Variants in CLNK observed in about 807,000 individuals in gnomAD.
The protein encoded by CLNK is cytokine dependent hematopoietic cell linker, also known as cytokine-dependent hematopoietic cell linker.
A neutral mutation model predicts 68.6 loss-of-function variants in CLNK; 74 were observed. The observed-to-expected ratio is 1.08, with a 90% CI of 0.89 to 1.31. The LOEUF is 1.31. Ranked by LOEUF, CLNK falls within the 50% of genes most tolerant of loss-of-function variation. CLNK has a pLI of 0.00. For synonymous variants in CLNK, 198 were observed against 172.2 expected (o/e 1.15, Z -1.17); for missense variants, 553 against 515.3 (o/e 1.07, Z -0.71).
intron 2 of CLNK, among the ~76,000 whole-genome samples, chr4:10,629,756 G>T (rs9760691): frequency 2.6e-5 from 4 of 151,668 alleles, no homozygotes; most frequent in African/African-American, 7.3e-5. Context: ...TGAAGTTCAG[G>T]GGGGAAGGCA....
chr4:10,537,665 T>TCC (rs1718831628), intron 11 of CLNK, among the ~76,000 whole-genome samples: 3 of 59,780 alleles, frequency 5.0e-5, no homozygotes, highest in South Asian at 7.3e-4. Flanking sequence ...CTTTCTTTCT[T>TCC]TCTTTCTTTC....
chr4:10,572,251 A>AAGTCATAG (rs1367537065), intron 4 of CLNK, among the ~76,000 whole-genome samples: 12 of 152,368 alleles, frequency 7.9e-5, no homozygotes, highest in Admixed American at 5.2e-4. Context: ...TTGAGGACAG[A>AAGTCATAG]AGTCATAGCT....
intron 8 of CLNK, among the ~76,000 whole-genome samples, chr4:10,548,840 C>A (rs962900413): frequency 6.6e-6 from 1 of 152,180 alleles, no homozygotes; most frequent in Non-Finnish European, 1.5e-5. Context: ...TCAATGCATG[C>A]ATTTATTTCT....
chr4:10,509,038 C>T (rs915125748), intron 16 of CLNK, among the ~76,000 whole-genome samples: 4 of 134,306 alleles, frequency 3.0e-5, no homozygotes, highest in South Asian at 2.5e-4. Context: ...ACCTGGGAGG[C>T]GGCGGTTGCA....
chr4:10,715,837 G>A, the CLNK span, among the ~76,000 whole-genome samples: 2 of 152,260 alleles, frequency 1.3e-5, no homozygotes, highest in East Asian at 1.9e-4. Flanking sequence ...CAATTCCCCA[G>A]AACATTACGG....
chr4:10,674,267 C>T (rs530218223), intron 1 of CLNK, among the ~76,000 whole-genome samples: 15 of 152,192 alleles, frequency 9.9e-5, no homozygotes, highest in Admixed American at 2.6e-4. Context: ...GCCCAGGGTC[C>T]TCCAGGAGTC....
intron 1 of CLNK, among the ~76,000 whole-genome samples, chr4:10,684,332 G>T (rs763759572): frequency 6.6e-6 from 1 of 152,168 alleles, no homozygotes; most frequent in African/African-American, 2.4e-5. Flanking sequence ...CTTACTTAAT[G>T]AAGGTCAGCC....
intron 8 of CLNK, among the ~76,000 whole-genome samples, chr4:10,552,368 G>T (rs1719497582): frequency 6.6e-6 from 1 of 152,170 alleles, no homozygotes; most frequent in Admixed American, 6.5e-5. Flanking sequence ...GTCCAGCTAA[G>T]GCGCAGACAT....
At chr4:10,633,697 A>G (rs1283701388) in intron 2 of CLNK, among the ~76,000 whole-genome samples, 1 of 152,236 alleles carries the variant, frequency 6.6e-6, no homozygotes, top group East Asian at 1.9e-4. Flanking sequence ...CATTCCAAAC[A>G]GTACAAATGT....
At chr4:10,497,846 C>T (rs761398989) in intron 18 of CLNK, among the ~76,000 whole-genome samples, 58 of 152,368 alleles carry the variant, frequency 3.8e-4, no homozygotes, top group Middle Eastern at 3.4e-3. Flanking sequence ...ACCATGTCCA[C>T]GTCCTCTATT....
chr4:10,631,592 A>G (rs1722893837), intron 2 of CLNK, among the ~76,000 whole-genome samples: 1 of 152,130 alleles, frequency 6.6e-6, no homozygotes, highest in African/African-American at 2.4e-5. Flanking sequence ...AACTAGGGGT[A>G]AAGCAAATAA....
the CLNK span, among the ~76,000 whole-genome samples, chr4:10,718,976 TA>T: frequency 6.6e-6 from 1 of 152,050 alleles, no homozygotes; most frequent in Non-Finnish European, 1.5e-5. Context: ...TTGACTGTAG[TA>T]AATGTTGAAT....
At chr4:10,524,698 A>T (rs779264385) in intron 14 of CLNK, among the ~76,000 whole-genome samples, 3 of 152,150 alleles carry the variant, frequency 2.0e-5, no homozygotes, top group Non-Finnish European at 4.4e-5. Context: ...TCCCAGCTTC[A>T]TGTTTTTCAT....
intron 2 of CLNK, among the ~76,000 whole-genome samples, chr4:10,623,171 C>T (rs1349636563): frequency 6.6e-6 from 1 of 152,148 alleles, no homozygotes; most frequent in Non-Finnish European, 1.5e-5. Context: ...AAATGAGTCT[C>T]CCATTACTCA....
chr4:10,516,246 A>G (rs914664584), intron 15 of CLNK, among the ~76,000 whole-genome samples: 4 of 152,200 alleles, frequency 2.6e-5, no homozygotes, highest in Admixed American at 6.5e-5. Context: ...ATGAAATGGA[A>G]AAGAGGTAAT....
chr4:10,552,914 T>C (rs1028908569), intron 8 of CLNK, among the ~76,000 whole-genome samples: 2 of 152,176 alleles, frequency 1.3e-5, no homozygotes, highest in Admixed American at 1.3e-4. Flanking sequence ...GCTTTTACTA[T>C]ACCAATTTCA....
the CLNK span, among the ~76,000 whole-genome samples, chr4:10,707,904 C>T: frequency 1.3e-5 from 2 of 152,278 alleles, no homozygotes; most frequent in African/African-American, 4.8e-5. Context: ...GCATGGATCA[C>T]AAAGGAGGAA....
chr4:10,694,391 T>A, the CLNK span, among the ~76,000 whole-genome samples: 4 of 152,096 alleles, frequency 2.6e-5, no homozygotes, highest in African/African-American at 9.7e-5. Flanking sequence ...AGTCATGCAC[T>A]GCCTAAGGCT....
At chr4:10,676,727 T>C (rs1435681257) in intron 1 of CLNK, among the ~76,000 whole-genome samples, 1 of 152,132 alleles carries the variant, frequency 6.6e-6, no homozygotes, top group Non-Finnish European at 1.5e-5. Context: ...TATTCCACTT[T>C]GTGGTGAATA....
Sources: allele counts gnomAD v4.1 joint callset (sites outside exome capture counted in the v4.1 genomes callset), GRCh38; gene constraint gnomAD v4.1.1; transcripts MANE v1.5; gene names NCBI Gene and HGNC (gene_info 2026-07-23, HGNC 2026-07-21).